Variants in FBXO34 observed in about 807,000 individuals in gnomAD.
FBXO34 encodes F-box protein 34.
A neutral mutation model predicts 24.5 loss-of-function variants in FBXO34; 12 were observed. The ratio of observed to expected loss-of-function variants is 0.49; its 90% CI spans 0.31 to 0.79. The LOEUF is 0.79. FBXO34 is among the 30% of genes least tolerant of loss of function. The pLI is 0.04. For missense variants in FBXO34, 823 were observed against 857.7 expected, an observed-to-expected ratio of 0.96 and a Z score of 0.51; for synonymous variants, 320 against 311.9, an observed-to-expected ratio of 1.03 and a Z score of -0.27.
At chr14:55,441,300 C>G in the FBXO34 span, among the ~76,000 whole-genome samples, 1 of 152,170 alleles carries the variant, frequency 6.6e-6, no homozygotes. Flanking sequence ...GGTGCCACCA[C>G]GCCTGGCTAA....
the FBXO34 span, among the ~76,000 whole-genome samples, chr14:55,426,437 C>T: frequency 7.9e-5 from 12 of 151,964 alleles, no homozygotes; most frequent in African/African-American, 2.7e-4. Flanking sequence ...AACTGAATGA[C>T]CTTAGGGGTT....
chr14:55,339,608 T>C (rs1473883439), intron 1 of FBXO34: 1 of 152,176 alleles, frequency 6.6e-6, no homozygotes, highest in Non-Finnish European at 1.5e-5. Context: ...CAGATAACAT[T>C]ACAGTTTGGG....
intron 1 of FBXO34, among the ~76,000 whole-genome samples, chr14:55,322,080 T>C (rs901754638): frequency 2.6e-5 from 4 of 152,066 alleles, no homozygotes; most frequent in Non-Finnish European, 5.9e-5. Context: ...CCCAGCACTT[T>C]GGGAGGCTGA....
At chr14:55,308,014 G>T (rs962133218) in intron 1 of FBXO34, among the ~76,000 whole-genome samples, 3 of 152,136 alleles carry the variant, frequency 2.0e-5, no homozygotes, top group African/African-American at 7.2e-5. Flanking sequence ...TGTTCTCCTC[G>T]TGGTAATAAG....
the FBXO34 span, among the ~76,000 whole-genome samples, chr14:55,441,462 G>GT: frequency 1.3e-5 from 2 of 151,914 alleles, no homozygotes; most frequent in Non-Finnish European, 2.9e-5. Flanking sequence ...CGCCAGGGAT[G>GT]TTTTTTTTCT....
chr14:55,382,617 C>T, the FBXO34 span, among the ~76,000 whole-genome samples: 1 of 152,138 alleles, frequency 6.6e-6, no homozygotes, highest in African/African-American at 2.4e-5. Context: ...AGCCAAAGTG[C>T]AAATATTTCA....
At chr14:55,428,799 C>T in the FBXO34 span, 117 of 1,612,660 alleles carry the variant, frequency 7.3e-5, 1 homozygote, top group South Asian at 7.3e-4. Context: ...GCTATATAAC[C>T]GTCATACCTA....
chr14:55,367,343 C>G (rs1884702439), exon 3 of FBXO34: 1 of 152,218 alleles, frequency 6.6e-6, no homozygotes, highest in Non-Finnish European at 1.5e-5. Flanking sequence ...CTGTTCAAGT[C>G]TACCATCTTC....
At chr14:55,442,718 C>T in the FBXO34 span, among the ~76,000 whole-genome samples, 1 of 94,450 alleles carries the variant, frequency 1.1e-5, no homozygotes, top group Non-Finnish European at 2.2e-5. Context: ...AGATAACCTA[C>T]ACATTTTTTT....
At chr14:55,336,838 G>T in intron 1 of FBXO34, among the ~76,000 whole-genome samples, 1 of 139,630 alleles carries the variant, frequency 7.2e-6, no homozygotes, top group African/African-American at 2.6e-5. Context: ...AAAAAAAAAT[G>T]CTATACACAT....
chr14:55,292,969 A>G (rs1243614259), intron 1 of FBXO34, among the ~76,000 whole-genome samples: 1 of 152,024 alleles, frequency 6.6e-6, no homozygotes, highest in African/African-American at 2.4e-5. Context: ...TGCAGCCTCC[A>G]TCTCCCAGGT....
At chr14:55,301,815 G>A (rs777985032) in intron 1 of FBXO34, among the ~76,000 whole-genome samples, 9 of 152,208 alleles carry the variant, frequency 5.9e-5, no homozygotes, top group Non-Finnish European at 1.0e-4. Flanking sequence ...GGTCAGGACA[G>A]GTTATGGAAC....
the FBXO34 span, among the ~76,000 whole-genome samples, chr14:55,410,829 T>C: frequency 1.3e-5 from 2 of 152,208 alleles, no homozygotes; most frequent in Admixed American, 6.5e-5. Context: ...TTGACTATCA[T>C]TGACACTAAA....
chr14:55,392,680 A>T, the FBXO34 span, among the ~76,000 whole-genome samples: 1 of 151,614 alleles, frequency 6.6e-6, no homozygotes, highest in Non-Finnish European at 1.5e-5. Context: ...AGGATCTACT[A>T]GTTAGTTAAA....
the FBXO34 span, among the ~76,000 whole-genome samples, chr14:55,397,820 T>C: frequency 6.6e-6 from 1 of 152,166 alleles, no homozygotes; most frequent in Admixed American, 6.5e-5. Context: ...TATAAACTGA[T>C]TCCTTATAAT....
intron 1 of FBXO34, among the ~76,000 whole-genome samples, chr14:55,349,849 C>T (rs1024980563): frequency 1.3e-5 from 2 of 151,964 alleles, no homozygotes; most frequent in South Asian, 2.1e-4. Context: ...CCACGTGATA[C>T]GCCTGCCTTG....
the FBXO34 span, among the ~76,000 whole-genome samples, chr14:55,416,724 T>C: frequency 1.3e-5 from 2 of 152,204 alleles, no homozygotes; most frequent in African/African-American, 4.8e-5. Context: ...TGATGGACTT[T>C]TTGGGCTTCT....
chr14:55,373,010 G>GGTCCTGGC (rs1555341400), downstream of FBXO34, among the ~76,000 whole-genome samples: 3 of 151,670 alleles, frequency 2.0e-5, no homozygotes, highest in East Asian at 1.9e-4. Flanking sequence ...AGAGCAGGAG[G>GGTCCTGGC]AGAGGCCCCT....
chr14:55,422,169 A>G, the FBXO34 span, among the ~76,000 whole-genome samples: 1,186 of 152,318 alleles, frequency 7.8e-3, 9 homozygotes, highest in African/African-American at 0.022. Flanking sequence ...AAAATTAATG[A>G]GAAGATATGT....
Sources: allele counts gnomAD v4.1 joint callset (sites outside exome capture counted in the v4.1 genomes callset), GRCh38; gene constraint gnomAD v4.1.1; transcripts MANE v1.5; gene names NCBI Gene and HGNC (gene_info 2026-07-23, HGNC 2026-07-21).